The following CD68 variants were observed in gnomAD, a reference collection of about 807,000 sequenced individuals.
The protein encoded by CD68 is macrosialin.
A neutral mutation model predicts 31.3 loss-of-function variants in CD68; 24 were observed. That is an observed-to-expected ratio of 0.77 (90% CI 0.55 to 1.08). CD68 has a LOEUF of 1.08. Ranked by LOEUF, CD68 falls within the 50% of genes least tolerant of loss-of-function variation. The probability of loss-of-function intolerance (pLI) is 0.00; values close to 1 mark genes in which losing one functional copy is unlikely to be tolerated. For synonymous variants in CD68, 190 were observed against 179.6 expected (o/e 1.06, Z -0.46); for missense variants, 461 against 442.5 (o/e 1.04, Z -0.38).
At position 7,580,786 on chromosome 17, in the gene CD68, A is replaced by C; in HGVS notation, c.760+3A>C. On this transcript the variant is annotated splice_donor_region_variant and intron_variant, in intron 4 of 5. Transcript: ENST00000250092. The surrounding 1 kb of genome is among the most constrained non-coding windows in gnomAD (Gnocchi z 4.3). ...TGTGTCCTTCCCCCACGCAGCACGT[A>C]AGTAACCTCCTTCCCTTTCTCATTG... 1 of 1,614,014 alleles carries C rather than the reference A, an allele frequency of 6.2e-7. No individual in the cohort carries two copies. Among genetic ancestry groups the C allele is most frequent in the East Asian group, 2.2e-5 (1 of 44,870 alleles).
At position 7,580,208 on chromosome 17, in the gene CD68, A is replaced by G. The variant is rs143753145; in HGVS notation, c.448A>G (p.Ser150Gly). The G allele has an allele frequency of 1.5e-4, 235 of 1,613,706 alleles. No homozygotes were observed. Among genetic ancestry groups the G allele is most frequent in the Non-Finnish European group, 1.9e-4 (224 of 1,179,880 alleles). The part of the protein sequence containing the change: ...PEPPPPSPSP[S>G]PTSKETIGDY... ...ACCACCTCCACCCTCTCCGAGTCCT[A>G]GCCCAACCTCCAAGGAGACCATTGG... The change falls in exon 2 of 6, where the codon AGC (serine) becomes GGC (glycine). Residue 150 changes from serine (S) to glycine (G), a missense_variant. Coordinates refer to ENST00000250092, the MANE Select transcript of CD68 (RefSeq NM_001251.3). This position sits in a 1 kb window ranked among gnomAD's most constrained non-coding sequence, Gnocchi z 4.3.
chr17:7,579,885 T>G lies in CD68; in HGVS notation c.125T>G (p.Val42Gly). The G allele has an allele frequency of 6.2e-7, 1 of 1,613,654 alleles. No individual in the cohort carries two copies. Among genetic ancestry groups the G allele is most frequent in the Non-Finnish European group, 8.5e-7 (1 of 1,179,922 alleles). Residue 42 changes from valine (V) to glycine (G), a missense_variant, in exon 2 of 6, where the codon GTT becomes GGT. Coordinates refer to ENST00000250092, the MANE Select transcript of CD68 (RefSeq NM_001251.3). ...CCATCCTTCACGGTGACACCCACGG[T>G]TACAGAGAGCACTGGAACAACCAGC... ...LLPSFTVTPT[V>G]TESTGTTSHR...
At position 7,582,090 on chromosome 17, in the gene CD68, A is replaced by T; in HGVS notation, c.*579A>T. ...GGGTTTTCCTTGTCCTGCCAGGATT[A>T]AAAGCCATGAGTTTCTTGTCACATG... On this transcript the variant is annotated 3_prime_UTR_variant, in exon 6 of 6. Coordinates refer to ENST00000250092, the MANE Select transcript of CD68 (RefSeq NM_001251.3). 1.9e-6 allele frequency: 1 copy of T among 535,802 alleles called. No homozygotes were observed. The highest frequency in any genetic ancestry group is 2.3e-6 in the Non-Finnish European group (1 of 432,770). 33.2% of individuals were successfully genotyped at this position (535,802 alleles called of 1,614,324 possible). A position where few individuals can be genotyped will look rare whatever the true frequency, so the allele number is the denominator to read the frequency against.
rs1597855666 is a variant in CD68, at chr17:7,580,684, A to C, written c.688-27A>C. ...TCCTTCCTCTGTGGAGAGGGATACC[A>C]CCTGCGCCTTCCTCTTCGCCCCACA... On this transcript the variant is annotated intron_variant, in intron 3 of 5. Transcript: ENST00000250092. This position sits in a 1 kb window ranked among gnomAD's most constrained non-coding sequence, Gnocchi z 4.3. 1.2e-6 allele frequency: 2 copies of C among 1,613,550 alleles called. No homozygotes were observed. The highest frequency in any genetic ancestry group is 1.7e-6 in the Non-Finnish European group (2 of 1,179,820).
rs533214352 is a variant in CD68 at position 7,579,700 on chromosome 17, C to T, written c.23C>T (p.Ser8Leu). MRLAVLF[S>L]GALLGLLAAQ... ...GCCATGAGGCTGGCTGTGCTTTTCTCGGGGGCCCTGCTGGGGCTACTGGCA... is the reference window on the plus strand; with the variant it reads ...GCCATGAGGCTGGCTGTGCTTTTCTTGGGGGCCCTGCTGGGGCTACTGGCA... Residue 8 changes from serine to leucine, a missense_variant, in exon 1 of 6, where the codon TCG becomes TTG. Ser to Leu is a moderately radical substitution (Grantham distance 145). Coordinates refer to ENST00000250092, the MANE Select transcript of CD68 (RefSeq NM_001251.3). The T allele has an allele frequency of 2.8e-5, 45 of 1,603,500 alleles. 1 individual carries two copies. The highest frequency in any genetic ancestry group is 2.0e-4 in the African/African-American group (15 of 74,332).
chr17:7,580,171 T>C lies in CD68; in HGVS notation c.411T>C (p.Ser137=), dbSNP rs2071465144. 1.9e-6 allele frequency: 3 copies of C among 1,614,184 alleles called. No individual in the cohort carries two copies. Among genetic ancestry groups the C allele is most frequent in the Non-Finnish European group, 2.5e-6 (3 of 1,180,038 alleles). The change falls in exon 2 of 6, where the codon TCT becomes TCC. Residue 137 remains serine (S), a synonymous_variant. Transcript: ENST00000250092. The surrounding 1 kb of genome is among the most constrained non-coding windows in gnomAD (Gnocchi z 4.3). ...CCACCAGCCCAGGATTCACCAGTTCTGCCCACCCAGAACCACCTCCACCCT... is the reference window on the plus strand; with the variant it reads ...CCACCAGCCCAGGATTCACCAGTTCCGCCCACCCAGAACCACCTCCACCCT... ...STATSPGFTS[S]AHPEPPPPSP...
In CD68 at chr17:7,581,724, C is replaced by G; in HGVS notation, c.*213C>G. 3.8e-6 allele frequency: 2 copies of G among 526,354 alleles called. No individual in the cohort carries two copies. The highest frequency in any genetic ancestry group is 3.4e-6 in the Non-Finnish European group (1 of 292,086). 32.6% of individuals were successfully genotyped at this position (526,354 alleles called of 1,614,324 possible). A position where few individuals can be genotyped will look rare whatever the true frequency, so the allele number is the denominator to read the frequency against. ...ATCACTGGAGGTCAGGAGTTTGAGA[C>G]CAGCCTGGCCAACATGGTGAAACCC... On this transcript the variant is annotated 3_prime_UTR_variant, in exon 6 of 6. Coordinates refer to ENST00000250092, the MANE Select transcript of CD68 (RefSeq NM_001251.3).
rs752471089 is a variant in CD68 at position 7,581,350 on chromosome 17, A to G, written c.932-28A>G. On this transcript the variant is annotated intron_variant, in intron 5 of 5. Coordinates refer to ENST00000250092, the MANE Select transcript of CD68 (RefSeq NM_001251.3). ...TATCCCAACCAGCACGTCACTGCAA[A>G]TACCTACCTGCCCTATCCTTCCGCC... 8 of 1,613,682 alleles carry G rather than the reference A, an allele frequency of 5.0e-6. No individual in the cohort carries two copies. In the Admixed American group the frequency reaches 1.3e-4, roughly 27 times the overall value.
In CD68 at chr17:7,580,787, A is replaced by G; in HGVS notation, c.760+4A>G. On this transcript the variant is annotated splice_donor_region_variant and intron_variant, in intron 4 of 5. Coordinates refer to ENST00000250092, the MANE Select transcript of CD68 (RefSeq NM_001251.3). This position sits in a 1 kb window ranked among gnomAD's most constrained non-coding sequence, Gnocchi z 4.3. ...GTGTCCTTCCCCCACGCAGCACGTA[A>G]GTAACCTCCTTCCCTTTCTCATTGC... 2 of 1,613,912 alleles carry G rather than the reference A, an allele frequency of 1.2e-6. No individual in the cohort carries two copies. The highest frequency in any genetic ancestry group is 4.5e-5 in the East Asian group (2 of 44,888).
chr17:7,581,333 C>T (rs1431054411), intron 5 of CD68, 45 bp from the exon 6 acceptor site: 4 of 1,612,544 alleles, frequency 2.5e-6, no homozygotes, highest in Non-Finnish European at 3.4e-6. Context: ...TTTATCCCAA[C>T]CAGCACGTCA....
rs547319907 is a variant in CD68 at position 7,580,015 on chromosome 17, C to G, written c.255C>G (p.Ser85Arg). ...TTATHNPTTTSHGNVTVHPTS... is the reference protein window; with the variant it reads ...TTATHNPTTTRHGNVTVHPTS... Reference sequence around the variant, plus strand: ...CCACTCACAACCCCACCACCACCAGCCATGGAAACGTCACAGTTCATCCAA... The same window carrying G: ...CCACTCACAACCCCACCACCACCAGGCATGGAAACGTCACAGTTCATCCAA... Residue 85 changes from serine to arginine, a missense_variant, in exon 2 of 6, where the codon AGC becomes AGG. By Grantham distance (110) the Ser-to-Arg change is moderately radical. Transcript: ENST00000250092. The surrounding 1 kb of genome is among the most constrained non-coding windows in gnomAD (Gnocchi z 4.3). The G allele has an allele frequency of 6.2e-7, 1 of 1,609,196 alleles. No homozygotes were observed. Among genetic ancestry groups the G allele is most frequent in the African/African-American group, 1.3e-5 (1 of 74,948 alleles).
In CD68 at chr17:7,580,524, G is replaced by A. The variant is rs753982985; in HGVS notation, c.626G>A (p.Gly209Asp). Residue 209 changes from glycine (G) to aspartate (D), a missense_variant, in exon 3 of 6, where the codon GGT (glycine) becomes GAT (aspartate). Gly to Asp is a moderately conservative substitution (Grantham distance 94). Transcript: ENST00000250092. The surrounding 1 kb of genome is among the most constrained non-coding windows in gnomAD (Gnocchi z 4.3). ...NKTKVQGSCE[G>D]AHPHLLLSFP... Reference sequence around the variant, plus strand: ...ACCAAGGTCCAGGGAAGCTGTGAGGGTGCCCATCCCCACCTGCTTCTCTCA... The same window carrying A: ...ACCAAGGTCCAGGGAAGCTGTGAGGATGCCCATCCCCACCTGCTTCTCTCA... 6.2e-7 allele frequency: 1 copy of A among 1,614,014 alleles called. No homozygotes were observed. The highest frequency in any genetic ancestry group is 2.2e-5 in the East Asian group (1 of 44,876).
intron 1 of CD68, 31 bp downstream of exon 1, chr17:7,579,757 C>A (rs1284860154): frequency 4.4e-6 from 7 of 1,601,044 alleles, no homozygotes; most frequent in Non-Finnish European, 4.3e-6. Context: ...GGGGAGGGGG[C>A]CCCTGGGAGG....
chr17:7,580,136 A>G lies in CD68; in HGVS notation c.376A>G (p.Asn126Asp), dbSNP rs1355461939. ...AAATGCCACGGTTCATCCAACAAGC[A>G]ACAGCACTGCCACCAGCCCAGGATT... is the stretch of plus-strand genomic sequence containing the variant. ...HGNATVHPTS[N>D]STATSPGFTS... The change falls in exon 2 of 6, where the codon AAC (asparagine) becomes GAC (aspartate). Residue 126 changes from asparagine (N) to aspartate (D), a missense_variant. Physicochemically the swap from Asn to Asp is conservative, Grantham distance 23 (BLOSUM62 1). Coordinates refer to ENST00000250092, the MANE Select transcript of CD68 (RefSeq NM_001251.3). The surrounding 1 kb of genome is among the most constrained non-coding windows in gnomAD (Gnocchi z 4.3). 1 of 1,613,978 alleles carries G rather than the reference A, an allele frequency of 6.2e-7. No homozygotes were observed. Among genetic ancestry groups the G allele is most frequent in the African/African-American group, 1.3e-5 (1 of 74,880 alleles).
chr17:7,580,672 G>C lies in CD68; in HGVS notation c.688-39G>C. On this transcript the variant is annotated intron_variant, in intron 3 of 5. Coordinates refer to ENST00000250092, the MANE Select transcript of CD68 (RefSeq NM_001251.3). This position sits in a 1 kb window ranked among gnomAD's most constrained non-coding sequence, Gnocchi z 4.3. ...CCCACACGCTACTCCTTCCTCTGTG[G>C]AGAGGGATACCACCTGCGCCTTCCT... The C allele has an allele frequency of 1.2e-6, 2 of 1,613,808 alleles. No homozygotes were observed. The highest frequency in any genetic ancestry group is 1.7e-6 in the Non-Finnish European group (2 of 1,179,836).
At position 7,579,714 on chromosome 17, in the gene CD68, G is replaced by T. The variant is rs371988403; in HGVS notation, c.37G>T (p.Gly13Trp). The T allele has an allele frequency of 1.5e-5, 24 of 1,604,564 alleles. No individual in the cohort carries two copies. Among genetic ancestry groups the T allele is most frequent in the Non-Finnish European group, 2.0e-5 (24 of 1,176,400 alleles). ...LAVLFSGALL[G>W]LLAAQGTGND... Reference sequence around the variant, plus strand: ...TGTGCTTTTCTCGGGGGCCCTGCTGGGGCTACTGGCAGGTAAGGAGGAAGG... The same window carrying T: ...TGTGCTTTTCTCGGGGGCCCTGCTGTGGCTACTGGCAGGTAAGGAGGAAGG... Residue 13 changes from glycine (G) to tryptophan (W), a missense_variant, in exon 1 of 6, where the codon GGG (glycine) becomes TGG (tryptophan). Transcript: ENST00000250092.
Position 7,581,818 on chromosome 17 carries a change from C to T in CD68, c.*307C>T, listed in dbSNP as rs886972078. The T allele has an allele frequency of 9.1e-6, 3 of 330,830 alleles. No homozygotes were observed. The highest frequency in any genetic ancestry group is 2.8e-5 in the South Asian group (1 of 36,280). The allele number at this position is 330,830 out of a possible 1,614,324, so 20.5% of individuals were successfully genotyped here. Reference sequence around the variant, plus strand: ...CCCAGCTGGCCTGTAATCCCAGCTACTTGGGAGGCTGAGGCAGAACTGCTT... The same window carrying T: ...CCCAGCTGGCCTGTAATCCCAGCTATTTGGGAGGCTGAGGCAGAACTGCTT... On this transcript the variant is annotated 3_prime_UTR_variant, in exon 6 of 6. Coordinates refer to ENST00000250092, the MANE Select transcript of CD68 (RefSeq NM_001251.3).
chr17:7,580,707 A>G lies in CD68; in HGVS notation c.688-4A>G, dbSNP rs745721491. On this transcript the variant is annotated splice_polypyrimidine_tract_variant and splice_region_variant and intron_variant, in intron 3 of 5. Transcript: ENST00000250092. This position sits in a 1 kb window ranked among gnomAD's most constrained non-coding sequence, Gnocchi z 4.3. ...CCACCTGCGCCTTCCTCTTCGCCCC[A>G]CAGGACCTCCAGCAGAAGGTTGTCT... is the stretch of plus-strand genomic sequence containing the variant. The G allele has an allele frequency of 1.1e-5, 18 of 1,613,490 alleles. No homozygotes were observed. In the Admixed American group the frequency reaches 2.3e-4, roughly 21 times the overall value.
rs2071468560 is a variant in CD68, at chr17:7,580,398, G to A, written c.568-68G>A. The A allele has an allele frequency of 2.5e-6, 4 of 1,610,374 alleles. No homozygotes were observed. The highest frequency in any genetic ancestry group is 2.2e-5 in the East Asian group (1 of 44,776). On this transcript the variant is annotated intron_variant, in intron 2 of 5. Transcript: ENST00000250092. The surrounding 1 kb of genome is among the most constrained non-coding windows in gnomAD (Gnocchi z 4.3). ...ATATAGGCTCAGAGGGAAGAAGGAA[G>A]AGGGGACAGGGAACCTTGGCCGGCA...
Sources: allele counts gnomAD v4.1 joint callset, GRCh38; gene constraint gnomAD v4.1.1; non-coding constraint Gnocchi (gnomAD v3.1); transcripts MANE v1.5; gene names NCBI Gene and HGNC (gene_info 2026-07-23, HGNC 2026-07-21).